Variants in KCNT1 observed in about 807,000 individuals in gnomAD.
KCNT1 encodes the protein potassium channel subfamily T member 1.
KCNT1 carries 78 observed loss-of-function variants against 147.8 expected under a neutral mutation model. The observed-to-expected ratio is 0.53, with a 90% CI of 0.44 to 0.64. The LOEUF (loss-of-function observed/expected upper bound fraction) is 0.64. Among genes scored for constraint, KCNT1 ranks in the 30% least tolerant of loss-of-function variants. KCNT1 has a pLI of 0.00. For synonymous variants in KCNT1, 867 were observed against 748.8 expected (o/e 1.16, Z -2.58); for missense variants, 1,419 against 1,750.3 (o/e 0.81, Z 3.38).
chr9:135,731,960 G>GGATATATATATA (rs1554766096), intron 2 of KCNT1, among the ~76,000 whole-genome samples: 1 of 41,412 alleles, frequency 2.4e-5, no homozygotes, highest in African/African-American at 8.9e-5. Context: ...AAATATGCGT[G>GGATATATATATA]TATATATATA....
At chr9:135,750,380 C>A (rs1831083398) in intron 3 of KCNT1, among the ~76,000 whole-genome samples, 1 of 152,076 alleles carries the variant, frequency 6.6e-6, no homozygotes, top group South Asian at 2.1e-4. Flanking sequence ...CCCCTCTTAG[C>A]TTCACACTGT....
intron 26 of KCNT1, 70 bp downstream of exon 26, chr9:135,784,688 C>T: frequency 1.2e-6 from 2 of 1,608,650 alleles, no homozygotes; most frequent in African/African-American, 1.3e-5. Flanking sequence ...GGCACCTGCC[C>T]CTGATTCACG....
At chr9:135,770,558 G>A (rs1588360814) in intron 17 of KCNT1, 111 bp downstream of exon 17, 13 of 1,355,436 alleles carry the variant, frequency 9.6e-6, no homozygotes, top group Non-Finnish European at 1.3e-5. Context: ...GCTGCAGAGG[G>A]CTCGGGGGAG....
chr9:135,725,979 G>A (rs746803462), intron 2 of KCNT1, among the ~76,000 whole-genome samples: 26 of 148,542 alleles, frequency 1.8e-4, no homozygotes, highest in Admixed American at 5.4e-4. Flanking sequence ...CAGCCTCCCC[G>A]GCCACCACCC....
At chr9:135,754,468 G>A (rs896648555) in intron 5 of KCNT1, among the ~76,000 whole-genome samples, 1 of 152,208 alleles carries the variant, frequency 6.6e-6, no homozygotes, top group Non-Finnish European at 1.5e-5. Context: ...GAAGGCACCT[G>A]CCCCGGGCAG....
In KCNT1 at chr9:135,778,784, G is replaced by A. The variant is rs142642528; in HGVS notation, c.2691G>A (p.Ala897=). The A allele has an allele frequency of 6.3e-4, 1,020 of 1,613,736 alleles. 2 individuals are homozygous for A. The highest frequency in any genetic ancestry group is 7.2e-4 in the Non-Finnish European group (846 of 1,179,798). The change falls in exon 23 of 31, where the codon GCG becomes GCA. Residue 897 remains alanine, a synonymous_variant. Coordinates refer to ENST00000371757, the MANE Select transcript of KCNT1 (RefSeq NM_020822.3). ...STMSAEEDYM[A]DAKTIVNVQT... The stretch of plus-strand genomic sequence containing the variant: ...TGAGCGCCGAGGAGGACTACATGGC[G>A]GACGCCAAGACCATCGTCAACGTGC...
chr9:135,735,523 G>A lies in KCNT1; in HGVS notation c.255-14575G>A, dbSNP rs374991818. ...TGGAGGCCTAGTGAGGTCAGAAACC[G>A]TCCAGCCAAGGGTGGGGGGATTCAG... On this transcript the variant is annotated intron_variant, in intron 2 of 30. Transcript: ENST00000371757. 7.2e-5 allele frequency among the ~76,000 whole-genome samples: 11 copies of A among 152,140 alleles called. No individual in the cohort carries two copies. In the East Asian group the frequency reaches 9.6e-4, roughly 13 times the overall value.
intron 2 of KCNT1, among the ~76,000 whole-genome samples, chr9:135,734,098 T>C (rs1178426267): frequency 6.6e-6 from 1 of 152,204 alleles, no homozygotes; most frequent in East Asian, 1.9e-4. Flanking sequence ...TGCAGGGCTC[T>C]TGGAGACACG....
At chr9:135,787,561 G>A (rs1834161284) in intron 29 of KCNT1, among the ~76,000 whole-genome samples, 1 of 152,202 alleles carries the variant, frequency 6.6e-6, no homozygotes, top group Admixed American at 6.5e-5. Flanking sequence ...CCTGAGCAGA[G>A]TCAGGAGCTC....
chr9:135,782,833 A>G (rs1162386150), intron 24 of KCNT1, among the ~76,000 whole-genome samples: 1 of 152,232 alleles, frequency 6.6e-6, no homozygotes, highest in Non-Finnish European at 1.5e-5. Context: ...TCACACGCCC[A>G]TCGCAGCTCA....
chr9:135,772,122 G>A (rs1832802581), intron 18 of KCNT1, among the ~76,000 whole-genome samples: 1 of 152,224 alleles, frequency 6.6e-6, no homozygotes, highest in Admixed American at 6.5e-5. Context: ...GGGCACTGGG[G>A]AGGCAGGCTG....
intron 1 of KCNT1, among the ~76,000 whole-genome samples, chr9:135,704,330 C>A (rs1420358828): frequency 6.6e-6 from 1 of 152,210 alleles, no homozygotes; most frequent in South Asian, 2.1e-4. Context: ...CCCCACCCCA[C>A]TCCAGTGCCC....
At position 135,768,729 on chromosome 9, in the gene KCNT1, G is replaced by A. The variant is rs377374602; in HGVS notation, c.1401+56G>A. Reference sequence around the variant, plus strand: ...GAGGGGCACCGTGGGGCCGGGGAGCGGGGGTCCCTGAGGGAAGAGACCTGC... The same window carrying A: ...GAGGGGCACCGTGGGGCCGGGGAGCAGGGGTCCCTGAGGGAAGAGACCTGC... On this transcript the variant is annotated intron_variant, in intron 14 of 30. Transcript: ENST00000371757. The A allele has an allele frequency of 2.5e-4, 386 of 1,533,298 alleles. 1 individual carries two copies. The highest frequency in any genetic ancestry group is 2.2e-3 in the African/African-American group (164 of 72,976). The allele number at this position is 1,533,298 out of a possible 1,614,324, so 95.0% of individuals were successfully genotyped here.
chr9:135,776,121 G>A (rs1359846769), intron 20 of KCNT1, among the ~76,000 whole-genome samples: 1 of 152,090 alleles, frequency 6.6e-6, no homozygotes, highest in Non-Finnish European at 1.5e-5. Flanking sequence ...GGGGTCAGTA[G>A]GGTTTCCCCA....
At position 135,792,243 on chromosome 9, in the gene KCNT1, C is replaced by G; in HGVS notation, c.*82C>G. 1 of 1,484,938 alleles carries G rather than the reference C, an allele frequency of 6.7e-7. No homozygotes were observed. The highest frequency in any genetic ancestry group is 9.0e-7 in the Non-Finnish European group (1 of 1,107,644). The allele number at this position is 1,484,938 out of a possible 1,614,324, so 92.0% of individuals were successfully genotyped here. A position where few individuals can be genotyped will look rare whatever the true frequency, so the allele number is the denominator to read the frequency against. ...AGGAGCGTGTGAGGACACGGTGGCA[C>G]TAGCGTGACCCTGGGGATGGCACAC... is the stretch of plus-strand genomic sequence containing the variant. On this transcript the variant is annotated 3_prime_UTR_variant, in exon 31 of 31. Transcript: ENST00000371757.
intron 24 of KCNT1, among the ~76,000 whole-genome samples, chr9:135,782,661 C>T: frequency 6.6e-6 from 1 of 152,146 alleles, no homozygotes; most frequent in East Asian, 1.9e-4. Flanking sequence ...CCAGCTTTTT[C>T]TTTCCTTCCA....
intron 23 of KCNT1, among the ~76,000 whole-genome samples, 168 bp downstream of exon 23, chr9:135,778,990 C>T (rs533851311): frequency 7.5e-5 from 11 of 146,004 alleles, no homozygotes; most frequent in East Asian, 4.2e-4. Flanking sequence ...CACGGGCCCT[C>T]GCCCTGAGAC....
chr9:135,706,725 C>T (rs1009731891), intron 1 of KCNT1, among the ~76,000 whole-genome samples: 4 of 152,184 alleles, frequency 2.6e-5, no homozygotes, highest in African/African-American at 9.6e-5. Flanking sequence ...GGGCAGACCC[C>T]AGCTGTGACA....
Position 135,784,869 on chromosome 9 carries a change from C to A in KCNT1, c.3136C>A (p.His1046Asn). Residue 1046 changes from histidine to asparagine, a missense_variant, in exon 27 of 31, where the codon CAC becomes AAC. Physicochemically the swap from His to Asn is moderately conservative, Grantham distance 68. Coordinates refer to ENST00000371757, the MANE Select transcript of KCNT1 (RefSeq NM_020822.3). ...IPIGIYRTES[H>N]VFSTSEPHDL... ...CATTGGCATCTACCGGACAGAGAGC[C>A]ACGTCTTCTCCACCTCGGAGGTTCT... The A allele has an allele frequency of 6.2e-7, 1 of 1,612,658 alleles. No individual in the cohort carries two copies. The highest frequency in any genetic ancestry group is 8.5e-7 in the Non-Finnish European group (1 of 1,179,982).
Sources: allele counts gnomAD v4.1 joint callset (sites outside exome capture counted in the v4.1 genomes callset), GRCh38; gene constraint gnomAD v4.1.1; transcripts MANE v1.5; gene names NCBI Gene and HGNC (gene_info 2026-07-23, HGNC 2026-07-21).